UMPS: variants seen among roughly 807,000 people sequenced by gnomAD.
The protein encoded by UMPS is uridine monophosphate synthetase, also known as uridine 5'-monophosphate synthase.
A neutral mutation model predicts 38.9 loss-of-function variants in UMPS; 21 were observed. The ratio of observed to expected loss-of-function variants is 0.54; its 90% CI spans 0.38 to 0.78. The LOEUF (loss-of-function observed/expected upper bound fraction) is 0.78, where lower values mean the gene tolerates loss of function less well. Among genes scored for constraint, UMPS ranks in the 30% least tolerant of loss-of-function variants. The pLI, the probability that UMPS is intolerant of heterozygous loss-of-function variation, is 0.00. For synonymous variants in UMPS, 208 were observed against 219.3 expected (o/e 0.95, Z 0.45); for missense variants, 533 against 591.6 (o/e 0.90, Z 1.03).
chr3:124,738,479 A>C, intron 3 of UMPS: 1 of 496,380 alleles, frequency 2.0e-6, no homozygotes, highest in Non-Finnish European at 3.7e-6. Context: ...CAAACCAATC[A>C]CTCTAGCTTG....
At chr3:124,731,686 C>T (rs1159072116) in intron 1 of UMPS, 2 of 213,166 alleles carry the variant, frequency 9.4e-6, no homozygotes, top group East Asian at 1.3e-4. Flanking sequence ...CACTTAAGGT[C>T]TGGAGTTCGA....
chr3:124,733,076 G>A (rs1043452603), intron 1 of UMPS, among the ~76,000 whole-genome samples: 1 of 151,402 alleles, frequency 6.6e-6, no homozygotes, highest in Non-Finnish European at 1.5e-5. Flanking sequence ...CATCTTATGC[G>A]AATAGAATTT....
chr3:124,746,341 A>G lies in UMPS; in HGVS notation c.*2257A>G, dbSNP rs1277962395. 1 of 454,026 alleles carries G rather than the reference A, an allele frequency of 2.2e-6. No individual in the cohort carries two copies. 28.1% of individuals were successfully genotyped at this position (454,026 alleles called of 1,614,324 possible). ...TTAGCAGATTTGTGGTTTGCCCAGCAGCCTGGGCGTGTGCATTTCTAATGG... is the reference window on the plus strand; with the variant it reads ...TTAGCAGATTTGTGGTTTGCCCAGCGGCCTGGGCGTGTGCATTTCTAATGG... On this transcript the variant is annotated 3_prime_UTR_variant, in exon 6 of 6. Transcript: ENST00000232607.
intron 3 of UMPS, 93 bp downstream of exon 3, chr3:124,738,332 A>T (rs1289804838): frequency 7.2e-7 from 1 of 1,392,170 alleles, no homozygotes; most frequent in Non-Finnish European, 1.0e-6. Context: ...AAGTCCATTC[A>T]TAGAGCAGGC....
intron 1 of UMPS, 82 bp downstream of exon 1, chr3:124,730,709 C>A: frequency 1.3e-6 from 2 of 1,524,462 alleles, no homozygotes; most frequent in Non-Finnish European, 1.8e-6. Context: ...AGGAGTTGGG[C>A]CGTGAGTGAG....
rs555777379 is a variant in UMPS at position 124,738,071 on chromosome 3, G to A, written c.814G>A (p.Ala272Thr). ...LARELLQLAD[A>T]LGPSICMLKT... ...CAGAGAGCTGTTGCAGCTAGCAGAT[G>A]CTTTAGGACCTAGTATCTGCATGCT... The change falls in exon 3 of 6, where the codon GCT becomes ACT. Residue 272 changes from alanine (A) to threonine (T), a missense_variant. Physicochemically the swap from Ala to Thr is moderately conservative, Grantham distance 58 (BLOSUM62 0). Coordinates refer to ENST00000232607, the MANE Select transcript of UMPS (RefSeq NM_000373.4). 6.2e-7 allele frequency: 1 copy of A among 1,614,218 alleles called. No individual in the cohort carries two copies. The highest frequency in any genetic ancestry group is 1.1e-5 in the South Asian group (1 of 91,086).
intron 4 of UMPS, 121 bp downstream of exon 4, chr3:124,740,320 AGT>A: frequency 1.0e-6 from 1 of 969,208 alleles, no homozygotes; most frequent in Non-Finnish European, 1.5e-6. Flanking sequence ...AGCTCTTGTT[AGT>A]GTGACAGTAT....
intron 2 of UMPS, among the ~76,000 whole-genome samples, chr3:124,736,395 A>G (rs1305619367): frequency 6.6e-6 from 1 of 151,292 alleles, no homozygotes; most frequent in Non-Finnish European, 1.5e-5. Context: ...GCATTCTGAA[A>G]ATTTTTATGA....
chr3:124,735,304 G>T, intron 2 of UMPS, 58 bp downstream of exon 2: 1 of 1,515,328 alleles, frequency 6.6e-7, no homozygotes, highest in Non-Finnish European at 9.0e-7. Context: ...CATACTCTTA[G>T]AATTTTTCCG....
rs1434277931 is a variant in UMPS, at chr3:124,746,041, G to T, written c.*1957G>T. The T allele has an allele frequency of 4.4e-6, 2 of 454,148 alleles. No individual in the cohort carries two copies. The highest frequency in any genetic ancestry group is 4.7e-5 in the Admixed American group (2 of 42,580). The allele number at this position is 454,148 out of a possible 1,614,324, so 28.1% of individuals were successfully genotyped here. ...GTTGCCTGCGCAGGGACTGGACTTT[G>T]AGAACCACTTCACTGGTTATTCACA... On this transcript the variant is annotated 3_prime_UTR_variant, in exon 6 of 6. Coordinates refer to ENST00000232607, the MANE Select transcript of UMPS (RefSeq NM_000373.4).
At chr3:124,734,995 T>C in intron 1 of UMPS, 98 bp from the exon 2 acceptor site, 1 of 1,176,598 alleles carries the variant, frequency 8.5e-7, no homozygotes, top group Non-Finnish European at 1.2e-6. Flanking sequence ...CATTCCAGCC[T>C]GGGCAACAGG....
At position 124,747,091 on chromosome 3, in the gene UMPS, G is replaced by T. The variant is rs1248877879; in HGVS notation, c.*3007G>T. 2.2e-6 allele frequency: 1 copy of T among 453,710 alleles called. No individual in the cohort carries two copies. The highest frequency in any genetic ancestry group is 4.4e-6 in the Non-Finnish European group (1 of 226,568). 28.1% of individuals were successfully genotyped at this position (453,710 alleles called of 1,614,324 possible). On this transcript the variant is annotated 3_prime_UTR_variant, in exon 6 of 6. Transcript: ENST00000232607. ...ATGGCTCACTGCAACCTTGACTTGG[G>T]CTCAAGCGATCCGCTCAAGTAGCTG... is the stretch of plus-strand genomic sequence containing the variant.
chr3:124,739,295 A>G (rs1442127788), intron 3 of UMPS, among the ~76,000 whole-genome samples: 1 of 152,218 alleles, frequency 6.6e-6, no homozygotes, highest in East Asian at 1.9e-4. Flanking sequence ...AGACCCCTGC[A>G]GAGTGAAAAC....
rs756332019 is a variant in UMPS at position 124,747,714 on chromosome 3, C to T, written c.*3630C>T. On this transcript the variant is annotated 3_prime_UTR_variant, in exon 6 of 6. Transcript: ENST00000232607. Reference sequence around the variant, plus strand: ...AATACATTTAACTTGCTGCAGCTCTCTGGATCCAGCCTGGTTACCAGGAAG... The same window carrying T: ...AATACATTTAACTTGCTGCAGCTCTTTGGATCCAGCCTGGTTACCAGGAAG... The T allele has an allele frequency of 3.1e-4, 140 of 453,768 alleles. No individual in the cohort carries two copies. The highest frequency in any genetic ancestry group is 2.3e-3 in the African/African-American group (116 of 50,130). 28.1% of individuals were successfully genotyped at this position (453,768 alleles called of 1,614,324 possible).
chr3:124,744,904 C>T lies in UMPS; in HGVS notation c.*820C>T, dbSNP rs1176350813. 4 of 453,918 alleles carry T rather than the reference C, an allele frequency of 8.8e-6. No homozygotes were observed. The highest frequency in any genetic ancestry group is 1.4e-4 in the East Asian group (2 of 14,402). 28.1% of individuals were successfully genotyped at this position (453,918 alleles called of 1,614,324 possible). A position where few individuals can be genotyped will look rare whatever the true frequency, so the allele number is the denominator to read the frequency against. ...TCCCAGAACTGCCATTGCTCACTCTCCAAAGAGGGGAAGGTGGGGAAGGGG... is the reference window on the plus strand; with the variant it reads ...TCCCAGAACTGCCATTGCTCACTCTTCAAAGAGGGGAAGGTGGGGAAGGGG... On this transcript the variant is annotated 3_prime_UTR_variant, in exon 6 of 6. Transcript: ENST00000232607.
Position 124,740,025 on chromosome 3 carries a change from A to C in UMPS, c.984A>C (p.Gly328=), listed in dbSNP as rs2063545198. The part of the protein sequence containing the change: ...IGNTVKKQYE[G]GIFKIASWAD... Reference sequence around the variant, plus strand: ...ATCTTTTTTCCCCCTTCTTCTTAGGAGGTATCTTTAAAATAGCTTCCTGGG... The same window carrying C: ...ATCTTTTTTCCCCCTTCTTCTTAGGCGGTATCTTTAAAATAGCTTCCTGGG... Residue 328 remains glycine (G), a splice_region_variant and synonymous_variant, in exon 4 of 6, where the codon GGA becomes GGC. Coordinates refer to ENST00000232607, the MANE Select transcript of UMPS (RefSeq NM_000373.4). 3 of 1,613,980 alleles carry C rather than the reference A, an allele frequency of 1.9e-6. No individual in the cohort carries two copies. Among genetic ancestry groups the C allele is most frequent in the Non-Finnish European group, 2.5e-6 (3 of 1,180,028 alleles).
chr3:124,730,936 A>AT (rs912202955), intron 1 of UMPS, among the ~76,000 whole-genome samples: 1 of 152,176 alleles, frequency 6.6e-6, no homozygotes, highest in Non-Finnish European at 1.5e-5. Context: ...CTTTAAGAAA[A>AT]TTAGACTTGC....
Position 124,730,529 on chromosome 3 carries a change from G to T in UMPS, c.58G>T (p.Ala20Ser). 6.2e-7 allele frequency: 1 copy of T among 1,614,120 alleles called. No individual in the cohort carries two copies. Among genetic ancestry groups the T allele is most frequent in the Non-Finnish European group, 8.5e-7 (1 of 1,179,960 alleles). Residue 20 changes from alanine to serine, a missense_variant, in exon 1 of 6, where the codon GCT becomes TCT. Coordinates refer to ENST00000232607, the MANE Select transcript of UMPS (RefSeq NM_000373.4). ...PLVTGLYDVQ[A>S]FKFGDFVLKS... is the part of the protein sequence containing the mutation. ...GGTGACGGGTCTGTACGACGTGCAGGCTTTCAAGTTTGGGGACTTCGTGCT... is the reference window on the plus strand; with the variant it reads ...GGTGACGGGTCTGTACGACGTGCAGTCTTTCAAGTTTGGGGACTTCGTGCT...
Position 124,749,267 on chromosome 3 carries a change from AT to A in UMPS, c.*5185del, listed in dbSNP as rs1473231537. 1.3e-5 allele frequency: 6 copies of A among 448,324 alleles called. No homozygotes were observed. The highest frequency in any genetic ancestry group is 1.2e-4 in the Admixed American group (5 of 41,944). The allele number at this position is 448,324 out of a possible 1,614,324, so 27.8% of individuals were successfully genotyped here. The stretch of plus-strand genomic sequence containing the variant: ...TTCAACCTGAATAGATGGCCTAAAA[AT>A]TCAAACTTGCCTCATGGCATTTGTT... On this transcript the variant is annotated 3_prime_UTR_variant, in exon 6 of 6. Coordinates refer to ENST00000232607, the MANE Select transcript of UMPS (RefSeq NM_000373.4).
Sources: allele counts gnomAD v4.1 joint callset (sites outside exome capture counted in the v4.1 genomes callset), GRCh38; gene constraint gnomAD v4.1.1; transcripts MANE v1.5; gene names NCBI Gene and HGNC (gene_info 2026-07-23, HGNC 2026-07-21).